LRRC4C: variants seen among roughly 807,000 people sequenced by gnomAD.
The protein encoded by LRRC4C is leucine rich repeat containing 4C.
Under a neutral mutation model 33.6 loss-of-function variants are expected in LRRC4C, and 5 were observed. The observed-to-expected ratio is 0.15, with a 90% CI of 0.08 to 0.31. The LOEUF (loss-of-function observed/expected upper bound fraction) is 0.31. Ranked by LOEUF, LRRC4C falls within the 10% of genes least tolerant of loss-of-function variation. The probability of loss-of-function intolerance (pLI) is 1.00; values close to 1 mark genes in which losing one functional copy is unlikely to be tolerated. For synonymous variants in LRRC4C, 329 were observed against 302.0 expected (o/e 1.09, Z -0.93); for missense variants, 560 against 796.7 (o/e 0.70, Z 3.58).
chr11:41,417,607 GGA>G (rs1954731398), intron 1 of LRRC4C, among the ~76,000 whole-genome samples: 1 of 151,924 alleles, frequency 6.6e-6, no homozygotes, highest in Admixed American at 6.6e-5. Context: ...CAGGCCCTCA[GGA>G]CCAGGATCTA....
chr11:40,362,584 G>A (rs1434711944), intron 3 of LRRC4C, among the ~76,000 whole-genome samples: 1 of 152,142 alleles, frequency 6.6e-6, no homozygotes, highest in South Asian at 2.1e-4. Context: ...GTGAGGTGTG[G>A]TGGGGCACGA....
At chr11:40,626,865 T>C (rs1962976943) in intron 3 of LRRC4C, among the ~76,000 whole-genome samples, 1 of 152,158 alleles carries the variant, frequency 6.6e-6, no homozygotes. Context: ...TCTATCTCAG[T>C]GCCACATCAG....
chr11:41,215,014 G>GTGTATATATA (rs1438617121), intron 1 of LRRC4C, among the ~76,000 whole-genome samples: 13 of 131,072 alleles, frequency 9.9e-5, no homozygotes, highest in African/African-American at 3.8e-4. Context: ...TTTTATTCAT[G>GTGTATATATA]TATATATATA....
At chr11:41,212,947 C>T (rs1240742694) in intron 1 of LRRC4C, among the ~76,000 whole-genome samples, 1 of 152,184 alleles carries the variant, frequency 6.6e-6, no homozygotes, top group African/African-American at 2.4e-5. Context: ...AGTTGTTACA[C>T]TGAATTCAAT....
chr11:40,218,807 T>C (rs1247737883), intron 5 of LRRC4C, among the ~76,000 whole-genome samples: 2 of 151,606 alleles, frequency 1.3e-5, no homozygotes, highest in African/African-American at 4.8e-5. Context: ...ACCCTGGCAA[T>C]GGCCTTTCTG....
chr11:40,463,143 GTTGC>G (rs1855010767), intron 3 of LRRC4C, among the ~76,000 whole-genome samples: 1 of 152,112 alleles, frequency 6.6e-6, no homozygotes, highest in South Asian at 2.1e-4. Context: ...ATTCTCGCAA[GTTGC>G]TTGATTTACA....
At chr11:41,442,337 T>C (rs1001463964) in intron 1 of LRRC4C, among the ~76,000 whole-genome samples, 2 of 151,824 alleles carry the variant, frequency 1.3e-5, no homozygotes, top group Non-Finnish European at 2.9e-5. Context: ...ATATCATTTA[T>C]CAACATATCT....
chr11:40,363,608 T>C (rs1371639992), intron 3 of LRRC4C, among the ~76,000 whole-genome samples: 2 of 152,032 alleles, frequency 1.3e-5, no homozygotes, highest in African/African-American at 4.8e-5. Flanking sequence ...AAAGATAACC[T>C]CACAAGAAAT....
intron 3 of LRRC4C, among the ~76,000 whole-genome samples, chr11:40,352,760 T>C (rs1947470185): frequency 6.6e-6 from 1 of 151,324 alleles, no homozygotes; most frequent in South Asian, 2.1e-4. Context: ...TCTTGCAGGA[T>C]AGTTTTGGTG....
intron 3 of LRRC4C, among the ~76,000 whole-genome samples, chr11:40,615,238 TTA>T (rs756021420): frequency 0.031 from 2,690 of 88,074 alleles, 117 homozygotes; most frequent in African/African-American, 0.096. Context: ...TTGATTTATT[TTA>T]TATATATATA....
At chr11:40,730,114 G>A (rs919053493) in intron 2 of LRRC4C, among the ~76,000 whole-genome samples, 2 of 152,066 alleles carry the variant, frequency 1.3e-5, no homozygotes. Context: ...GTGGGGTTGG[G>A]GGGGGCAGGG....
At chr11:40,998,167 A>G (rs1420245359) in intron 1 of LRRC4C, among the ~76,000 whole-genome samples, 2 of 152,094 alleles carry the variant, frequency 1.3e-5, no homozygotes, top group Admixed American at 6.6e-5. Context: ...TTCTGAACCT[A>G]GTATTTGATA....
At chr11:40,940,611 A>C (rs1442579365) in intron 1 of LRRC4C, among the ~76,000 whole-genome samples, 2 of 152,276 alleles carry the variant, frequency 1.3e-5, no homozygotes, top group African/African-American at 4.8e-5. Flanking sequence ...TTTTTCAAAC[A>C]GATATCAAAT....
intron 1 of LRRC4C, among the ~76,000 whole-genome samples, chr11:41,021,208 A>AGT (rs1400306899): frequency 3.1e-5 from 4 of 130,900 alleles, no homozygotes; most frequent in African/African-American, 8.8e-5. Context: ...AGAGAGAGAG[A>AGT]GAGAGAGTGT....
chr11:40,266,950 C>A (rs144137309), intron 4 of LRRC4C, among the ~76,000 whole-genome samples: 8 of 116,352 alleles, frequency 6.9e-5, no homozygotes, highest in Admixed American at 9.2e-5. Context: ...CCCACCCACC[C>A]ACCCACCCAC....
chr11:40,589,690 C>G (rs1012334757), intron 3 of LRRC4C, among the ~76,000 whole-genome samples: 55 of 151,890 alleles, frequency 3.6e-4, no homozygotes, highest in Admixed American at 2.6e-3. Context: ...CAAAATCTCT[C>G]AGCATTTGCT....
At chr11:40,733,277 A>G (rs11036045) in intron 2 of LRRC4C, among the ~76,000 whole-genome samples, 54,175 of 151,082 alleles carry the variant, frequency 0.36, 10,115 homozygotes, top group Middle Eastern at 0.42. Context: ...GGGTTTCACC[A>G]TGTTAGCCAG....
intron 1 of LRRC4C, among the ~76,000 whole-genome samples, chr11:41,392,516 A>G (rs1953640612): frequency 6.6e-6 from 1 of 151,504 alleles, no homozygotes. Context: ...ACTGGGTTGA[A>G]TAGTGTTACC....
intron 2 of LRRC4C, among the ~76,000 whole-genome samples, chr11:40,663,176 G>A (rs1248498536): frequency 6.6e-6 from 1 of 152,168 alleles, no homozygotes; most frequent in Non-Finnish European, 1.5e-5. Flanking sequence ...CGCCTCCCAG[G>A]TTCAAGTGCT....
Sources: allele counts gnomAD v4.1 joint callset (sites outside exome capture counted in the v4.1 genomes callset), GRCh38; gene constraint gnomAD v4.1.1; transcripts MANE v1.5; gene names NCBI Gene and HGNC (gene_info 2026-07-23, HGNC 2026-07-21).